The following DNAJC18 variants were observed in gnomAD, a reference collection of about 807,000 sequenced individuals.
The protein encoded by DNAJC18 is DnaJ heat shock protein family (Hsp40) member C18, also known as dnaJ homolog subfamily C member 18.
A neutral mutation model predicts 48.6 loss-of-function variants in DNAJC18; 40 were observed. The observed-to-expected ratio is 0.82, with a 90% CI of 0.64 to 1.07. The LOEUF (loss-of-function observed/expected upper bound fraction) is 1.07, where lower values mean the gene tolerates loss of function less well. Among genes scored for constraint, DNAJC18 ranks in the 50% least tolerant of loss-of-function variants. The pLI is 0.00. For synonymous variants in DNAJC18, 135 were observed against 152.2 expected, an observed-to-expected ratio of 0.89 and a Z score of 0.83; for missense variants, 340 against 427.7, an observed-to-expected ratio of 0.79 and a Z score of 1.81.
chr5:139,421,520 T>C (rs1014551427), intron 6 of DNAJC18, among the ~76,000 whole-genome samples: 6 of 151,760 alleles, frequency 4.0e-5, no homozygotes, highest in Non-Finnish European at 1.5e-5. Context: ...AAAAGGAAAA[T>C]ACTAGCCGGG....
intron 3 of DNAJC18, among the ~76,000 whole-genome samples, chr5:139,428,075 G>A (rs1759269849): frequency 6.6e-6 from 1 of 152,130 alleles, no homozygotes; most frequent in African/African-American, 2.4e-5. Flanking sequence ...GTGAGCCACT[G>A]CGCTCAGCCT....
chr5:139,417,187 CA>C (rs57657416), intron 7 of DNAJC18, among the ~76,000 whole-genome samples: 62,263 of 109,666 alleles, frequency 0.57, 15,266 homozygotes, highest in Non-Finnish European at 0.65. Flanking sequence ...GAGACTCTGT[CA>C]AAAAAAAAAA....
At chr5:139,438,271 G>T (rs1280912028) in intron 1 of DNAJC18, among the ~76,000 whole-genome samples, 2 of 151,062 alleles carry the variant, frequency 1.3e-5, no homozygotes, top group Non-Finnish European at 2.9e-5. Flanking sequence ...AGCCGAGATC[G>T]CGCTACTGCA....
chr5:139,433,677 T>C (rs1759366113), intron 2 of DNAJC18, among the ~76,000 whole-genome samples: 1 of 152,218 alleles, frequency 6.6e-6, no homozygotes, highest in African/African-American at 2.4e-5. Context: ...ACTGCACCTG[T>C]ATGTTTACAT....
intron 4 of DNAJC18, 35 bp downstream of exon 4, chr5:139,426,137 A>T: frequency 6.3e-7 from 1 of 1,593,222 alleles, no homozygotes; most frequent in East Asian, 2.2e-5. Flanking sequence ...TAAATAAAGA[A>T]ATATGTTTAA....
Position 139,414,188 on chromosome 5 carries a change from T to C in DNAJC18, c.1037A>G (p.Glu346Gly). The C allele has an allele frequency of 6.2e-7, 1 of 1,614,202 alleles. No homozygotes were observed. Among genetic ancestry groups the C allele is most frequent in the Non-Finnish European group, 8.5e-7 (1 of 1,180,010 alleles). ...TAGGCCAATGAGTTTGGAAAGTTTC[T>C]CACAGTTTTCAAGTTTCAGCGACTC... ...KAESLKLENC[E>G]KLSKLIGLRR... The change falls in exon 8 of 8, where the codon GAG (glutamate) becomes GGG (glycine). Residue 346 changes from glutamate (E) to glycine (G), a missense_variant. Transcript: ENST00000302060.
chr5:139,414,126 C>T lies in DNAJC18; in HGVS notation c.*22G>A. On this transcript the variant is annotated 3_prime_UTR_variant, in exon 8 of 8. Coordinates refer to ENST00000302060, the MANE Select transcript of DNAJC18 (RefSeq NM_152686.4). ...TAGGAACAAGTAGCAAAACCCCAGC[C>T]CTGCGTAGGACCATTATCCTCTCAG... 6.2e-7 allele frequency: 1 copy of T among 1,603,574 alleles called. No individual in the cohort carries two copies.
chr5:139,428,132 C>A (rs1008122020), intron 3 of DNAJC18, among the ~76,000 whole-genome samples: 9 of 152,190 alleles, frequency 5.9e-5, no homozygotes, highest in Non-Finnish European at 1.2e-4. Flanking sequence ...CACAGTGGCT[C>A]ACGCCTGTAA....
chr5:139,426,387 A>C, intron 3 of DNAJC18, 30 bp from the exon 4 acceptor site: 1 of 1,610,902 alleles, frequency 6.2e-7, no homozygotes. Flanking sequence ...GCACATGAGG[A>C]CACAGTCTTT....
chr5:139,434,089 C>T (rs1759372911), intron 2 of DNAJC18, among the ~76,000 whole-genome samples: 2 of 151,942 alleles, frequency 1.3e-5, no homozygotes, highest in Non-Finnish European at 2.9e-5. Context: ...CGGAGTTTTG[C>T]CGTGTTGCCC....
chr5:139,422,932 T>C, intron 5 of DNAJC18, 115 bp from the exon 6 acceptor site: 1 of 533,938 alleles, frequency 1.9e-6, no homozygotes, highest in Admixed American at 4.2e-5. Flanking sequence ...GCCTCTCGGG[T>C]TCACGCCATT....
At position 139,420,815 on chromosome 5, in the gene DNAJC18, A is replaced by T. The variant is rs568569610; in HGVS notation, c.780-590T>A. 2.6e-5 allele frequency among the ~76,000 whole-genome samples: 4 copies of T among 152,228 alleles called. No homozygotes were observed. The South Asian group carries it at 8.3e-4, about 32-fold the overall frequency. On this transcript the variant is annotated intron_variant, in intron 6 of 7. Transcript: ENST00000302060. ...TCTGGTGCTTAGCAACATTAATAAG[A>T]GTACTGAGCTGACTAATTCTAACCA...
chr5:139,421,064 C>T (rs1224500798), intron 6 of DNAJC18, among the ~76,000 whole-genome samples: 1 of 152,124 alleles, frequency 6.6e-6, no homozygotes, highest in African/African-American at 2.4e-5. Flanking sequence ...GTGCTTACCC[C>T]GCTGGCCTCA....
chr5:139,414,090 A>C lies in DNAJC18; in HGVS notation c.*58T>G. The C allele has an allele frequency of 6.3e-7, 1 of 1,576,708 alleles. No individual in the cohort carries two copies. The highest frequency in any genetic ancestry group is 8.6e-7 in the Non-Finnish European group (1 of 1,165,698). Reference sequence around the variant, plus strand: ...TAGTTTTGTATTATAAAATGGAATCAGGAACATAAATAGGAACAAGTAGCA... The same window carrying C: ...TAGTTTTGTATTATAAAATGGAATCCGGAACATAAATAGGAACAAGTAGCA... On this transcript the variant is annotated 3_prime_UTR_variant, in exon 8 of 8. Coordinates refer to ENST00000302060, the MANE Select transcript of DNAJC18 (RefSeq NM_152686.4).
chr5:139,434,983 T>C (rs1003015509), intron 2 of DNAJC18, among the ~76,000 whole-genome samples: 2 of 152,212 alleles, frequency 1.3e-5, no homozygotes, highest in Non-Finnish European at 2.9e-5. Flanking sequence ...CCTTTAAGTA[T>C]GATGTTAACT....
intron 7 of DNAJC18, 147 bp from the exon 8 acceptor site, chr5:139,414,419 A>G (rs1759041095): frequency 8.0e-7 from 1 of 1,250,578 alleles, no homozygotes; most frequent in African/African-American, 1.5e-5. Flanking sequence ...TATTCACAAA[A>G]CACGTCTTAG....
chr5:139,426,483 G>C, intron 3 of DNAJC18, 126 bp from the exon 4 acceptor site: 10 of 1,139,986 alleles, frequency 8.8e-6, no homozygotes, highest in African/African-American at 1.5e-5. Flanking sequence ...CCCAAGAAGA[G>C]ATGCTTGGGC....
In DNAJC18 at chr5:139,420,155, C is replaced by A; in HGVS notation, c.850G>T (p.Asp284Tyr). The A allele has an allele frequency of 6.2e-7, 1 of 1,611,882 alleles. No individual in the cohort carries two copies. The highest frequency in any genetic ancestry group is 1.1e-5 in the South Asian group (1 of 90,390). ...QVPYFVDKNF[D>Y]KAYRGASLHD... is the part of the protein sequence containing the mutation. ...AGAGAAGCTCCTCTGTAGGCCTTGT[C>A]AAAGTTTTTATCCACAAAGTAAGGC... Residue 284 changes from aspartate (D) to tyrosine (Y), a missense_variant, in exon 7 of 8, where the codon GAC (aspartate) becomes TAC (tyrosine). Coordinates refer to ENST00000302060, the MANE Select transcript of DNAJC18 (RefSeq NM_152686.4).
At chr5:139,430,498 T>C (rs1460845268) in intron 2 of DNAJC18, among the ~76,000 whole-genome samples, 1 of 152,172 alleles carries the variant, frequency 6.6e-6, no homozygotes, top group African/African-American at 2.4e-5. Flanking sequence ...TTTCACAGAG[T>C]TGATATTGTG....
Sources: allele counts gnomAD v4.1 joint callset (sites outside exome capture counted in the v4.1 genomes callset), GRCh38; gene constraint gnomAD v4.1.1; transcripts MANE v1.5; gene names NCBI Gene and HGNC (gene_info 2026-07-23, HGNC 2026-07-21).